The following FRMD4A variants were observed in gnomAD, a reference collection of about 807,000 sequenced individuals.
FRMD4A encodes FERM domain-containing protein 4A.
FRMD4A carries 29 observed loss-of-function variants against 129.1 expected under a neutral mutation model. That is an observed-to-expected ratio of 0.22 (90% CI 0.17 to 0.31). The LOEUF is 0.31. Ranked by LOEUF, FRMD4A falls within the 10% of genes least tolerant of loss-of-function variation. FRMD4A has a pLI of 1.00. For missense variants in FRMD4A, 1,272 were observed against 1,375.8 expected (o/e 0.92, Z 1.19); for synonymous variants, 634 against 571.6 (o/e 1.11, Z -1.56).
At chr10:14,286,278 C>T (rs1189292401) in intron 2 of FRMD4A, among the ~76,000 whole-genome samples, 2 of 152,266 alleles carry the variant, frequency 1.3e-5, no homozygotes, top group Non-Finnish European at 2.9e-5. Flanking sequence ...GATATGGTAG[C>T]TTTTGATTCT....
intron 2 of FRMD4A, among the ~76,000 whole-genome samples, chr10:14,110,248 A>T (rs1415775962): frequency 6.6e-6 from 1 of 151,934 alleles, no homozygotes; most frequent in Non-Finnish European, 1.5e-5. Flanking sequence ...CTGCTGTCCA[A>T]TATAGAAGAA....
chr10:13,866,328 G>A (rs1452852191), intron 2 of FRMD4A: 5 of 957,740 alleles, frequency 5.2e-6, no homozygotes, highest in East Asian at 2.3e-4. Context: ...TGTCGGATGC[G>A]GGACAGCAGC....
intron 12 of FRMD4A, among the ~76,000 whole-genome samples, chr10:13,737,079 T>TAGGAAACCAGGAAA (rs879357710): frequency 0.012 from 1,871 of 152,310 alleles, 67 homozygotes; most frequent in South Asian, 0.11. Context: ...CTCTCTCTCT[T>TAGGAAACCAGGAAA]ATTTTTCAGC....
intron 2 of FRMD4A, among the ~76,000 whole-genome samples, chr10:14,104,387 T>G (rs764157647): frequency 3.2e-4 from 49 of 152,242 alleles, no homozygotes; most frequent in Non-Finnish European, 6.3e-4. Flanking sequence ...TCTAGATCTC[T>G]TACTTTGATT....
Position 14,201,748 on chromosome 10 carries a change from T to C in FRMD4A, c.45+128310A>G, listed in dbSNP as rs188796639. 5.3e-5 allele frequency among the ~76,000 whole-genome samples: 8 copies of C among 152,310 alleles called. No homozygotes were observed. In the East Asian group the frequency reaches 1.4e-3, roughly 26 times the overall value. Reference sequence around the variant, plus strand: ...GCTTCTCTGGAGCTGTGGTCCTATCTGGACACGTAGCAAATGACTTTATTG... The same window carrying C: ...GCTTCTCTGGAGCTGTGGTCCTATCCGGACACGTAGCAAATGACTTTATTG... On this transcript the variant is annotated intron_variant, in intron 2 of 24. Transcript: ENST00000357447.
In FRMD4A at chr10:13,782,905, G is replaced by C; in HGVS notation, c.384+17C>G. 8.9e-7 allele frequency: 1 copy of C among 1,124,254 alleles called. No individual in the cohort carries two copies. The highest frequency in any genetic ancestry group is 1.9e-4 in the Middle Eastern group (1 of 5,150). The allele number at this position is 1,124,254 out of a possible 1,614,324, so 69.6% of individuals were successfully genotyped here. On this transcript the variant is annotated intron_variant, in intron 6 of 24. Coordinates refer to ENST00000357447, the MANE Select transcript of FRMD4A (RefSeq NM_018027.5). ...TTTCAGGTTTCAGAGGGAAATTGAG[G>C]GAGAGGGAGTTCCTACCTTGTAGAT...
rs561795630 is a variant in FRMD4A at position 13,864,639 on chromosome 10, G to C, written c.46-5727C>G. Among the ~76,000 whole-genome samples, 102 of 148,556 alleles carry C rather than the reference G, an allele frequency of 6.9e-4. 1 individual carries two copies. Among genetic ancestry groups the C allele is most frequent in the African/African-American group, 2.0e-3 (81 of 40,242 alleles). ...CACTCAGGCTGGAGTGAAGTGGCAC[G>C]ATCATGGCTCACTGCAACTTCTGCC... On this transcript the variant is annotated intron_variant, in intron 2 of 24. Transcript: ENST00000357447.
chr10:14,261,370 G>A (rs564856298), intron 2 of FRMD4A, among the ~76,000 whole-genome samples: 62 of 152,228 alleles, frequency 4.1e-4, no homozygotes, highest in African/African-American at 1.2e-3. Flanking sequence ...GCAGAATTCC[G>A]TGGGCCATGT....
At chr10:14,289,508 T>C (rs1280958403) in intron 2 of FRMD4A, among the ~76,000 whole-genome samples, 3 of 152,152 alleles carry the variant, frequency 2.0e-5, no homozygotes, top group Non-Finnish European at 4.4e-5. Flanking sequence ...GTTGTAGGAG[T>C]TCCTTATATA....
intron 2 of FRMD4A, among the ~76,000 whole-genome samples, chr10:14,132,958 C>T (rs982693466): frequency 2.0e-5 from 3 of 152,200 alleles, no homozygotes; most frequent in African/African-American, 7.2e-5. Context: ...GGCAGCCATC[C>T]TGGTTCTCTG....
At chr10:13,789,295 A>C (rs1408418590) in intron 5 of FRMD4A, among the ~76,000 whole-genome samples, 1 of 152,176 alleles carries the variant, frequency 6.6e-6, no homozygotes, top group Non-Finnish European at 1.5e-5. Flanking sequence ...GCCAGGGAAG[A>C]TACCAAGAAT....
intron 2 of FRMD4A, among the ~76,000 whole-genome samples, chr10:13,955,790 C>A (rs895707781): frequency 6.6e-6 from 1 of 152,186 alleles, no homozygotes; most frequent in Admixed American, 6.5e-5. Flanking sequence ...AGATAACCAG[C>A]CTTCCAGAAA....
intron 2 of FRMD4A, among the ~76,000 whole-genome samples, chr10:14,145,375 T>C (rs1840026122): frequency 6.6e-6 from 1 of 152,194 alleles, no homozygotes; most frequent in African/African-American, 2.4e-5. Context: ...GAGTTCTATT[T>C]ATAGGTCATT....
intron 2 of FRMD4A, among the ~76,000 whole-genome samples, chr10:13,877,948 G>A (rs1039363128): frequency 3.3e-5 from 5 of 152,074 alleles, no homozygotes; most frequent in African/African-American, 9.7e-5. Context: ...AAAGAGCGAG[G>A]GAGAGGACTC....
intron 2 of FRMD4A, among the ~76,000 whole-genome samples, chr10:14,013,936 CA>C (rs1159294892): frequency 6.6e-6 from 1 of 152,140 alleles, no homozygotes; most frequent in Non-Finnish European, 1.5e-5. Context: ...CATTTCAAAA[CA>C]AAAACAAACA....
At chr10:13,779,264 C>T (rs561201669) in intron 6 of FRMD4A, among the ~76,000 whole-genome samples, 3 of 151,648 alleles carry the variant, frequency 2.0e-5, no homozygotes, top group East Asian at 1.9e-4. Context: ...TGCAGTGAGC[C>T]GAGATTATGC....
intron 2 of FRMD4A, among the ~76,000 whole-genome samples, chr10:14,024,546 C>T (rs553199741): frequency 3.3e-4 from 51 of 152,366 alleles, no homozygotes; most frequent in African/African-American, 1.1e-3. Flanking sequence ...GAAGTAGAAA[C>T]CCTTAAAAGA....
At chr10:13,736,877 T>C (rs987948196) in intron 12 of FRMD4A, among the ~76,000 whole-genome samples, 3 of 152,228 alleles carry the variant, frequency 2.0e-5, no homozygotes, top group Admixed American at 6.5e-5. Flanking sequence ...TTTTTCAATT[T>C]GTTCTGGTCT....
intron 2 of FRMD4A, among the ~76,000 whole-genome samples, chr10:13,949,899 G>A (rs1020789946): frequency 1.3e-5 from 2 of 152,236 alleles, no homozygotes; most frequent in Non-Finnish European, 2.9e-5. Context: ...ATGGAAAGCA[G>A]CACTCACATC....
Sources: allele counts gnomAD v4.1 joint callset (sites outside exome capture counted in the v4.1 genomes callset), GRCh38; gene constraint gnomAD v4.1.1; transcripts MANE v1.5; gene names NCBI Gene and HGNC (gene_info 2026-07-23, HGNC 2026-07-21).